ANKRD11: variants seen among roughly 807,000 people sequenced by gnomAD.
The protein encoded by ANKRD11 is ankyrin repeat domain-containing protein 11.
ANKRD11 carries 17 observed loss-of-function variants against 195.7 expected under a neutral mutation model. The ratio of observed to expected loss-of-function variants is 0.09; its 90% confidence interval spans 0.06 to 0.13. ANKRD11 has a LOEUF of 0.13. ANKRD11 is among the 10% of genes least tolerant of loss of function. ANKRD11 has a pLI of 1.00. For synonymous variants in ANKRD11, 1,953 were observed against 1,528.1 expected, an observed-to-expected ratio of 1.28 and a Z score of -6.49; for missense variants, 3,735 against 3,566.1, an observed-to-expected ratio of 1.05 and a Z score of -1.21.
chr16:89,429,187 C>T (rs536550458), intron 1 of ANKRD11, among the ~76,000 whole-genome samples: 437 of 120,168 alleles, frequency 3.6e-3, no homozygotes, highest in African/African-American at 0.014. Context: ...TCAACTCTCA[C>T]GCTCAGACGT....
intron 4 of ANKRD11, among the ~76,000 whole-genome samples, chr16:89,304,597 C>T (rs892411702): frequency 5.3e-5 from 8 of 149,898 alleles, no homozygotes; most frequent in East Asian, 2.0e-4. Flanking sequence ...CATACACACA[C>T]GGGCACACAC....
At chr16:89,330,675 GC>G (rs1197423919) in intron 2 of ANKRD11, among the ~76,000 whole-genome samples, 35 of 25,846 alleles carry the variant, frequency 1.4e-3, no homozygotes, top group East Asian at 2.6e-3. Flanking sequence ...GGGGGGGGGG[GC>G]GGGGGCGGAG....
At chr16:89,456,665 A>G (rs1468009071) in intron 1 of ANKRD11, among the ~76,000 whole-genome samples, 1 of 152,198 alleles carries the variant, frequency 6.6e-6, no homozygotes, top group Non-Finnish European at 1.5e-5. Context: ...GTTCCAAGAC[A>G]TACAACATAG....
Position 89,281,073 on chromosome 16 carries a change from A to C in ANKRD11, c.5469T>G (p.Ser1823=). The C allele has an allele frequency of 6.2e-7, 1 of 1,607,714 alleles. No individual in the cohort carries two copies. The highest frequency in any genetic ancestry group is 8.5e-7 in the Non-Finnish European group (1 of 1,175,446). Residue 1823 remains serine (S), a synonymous_variant, in exon 9 of 13, where the codon TCT becomes TCG. Coordinates refer to ENST00000301030, the MANE Select transcript of ANKRD11 (RefSeq NM_013275.6). This position sits in a 1 kb window ranked among gnomAD's most constrained non-coding sequence, Gnocchi z 5.5. ...TGTCTTCCATCGAGGGTGGCATGGGAGAGTCGTAGCTGGAGGCAGCAGGAA... is the reference window on the plus strand; with the variant it reads ...TGTCTTCCATCGAGGGTGGCATGGGCGAGTCGTAGCTGGAGGCAGCAGGAA... ...QSVPAASSYD[S]PMPPSMEDRA...
chr16:89,482,725 G>A (rs955378879), intron 1 of ANKRD11, among the ~76,000 whole-genome samples: 7 of 152,186 alleles, frequency 4.6e-5, no homozygotes, highest in South Asian at 4.1e-4. Flanking sequence ...CCAGGAGGTC[G>A]ACGCTGCAGT....
At chr16:89,337,007 CAAAA>C (rs60248736) in intron 2 of ANKRD11, among the ~76,000 whole-genome samples, 139 of 47,734 alleles carry the variant, frequency 2.9e-3, no homozygotes, top group African/African-American at 0.011. Flanking sequence ...CTGGCTCTAC[CAAAA>C]AAAAAAAAAA....
chr16:89,295,355 A>C (rs543931665), intron 4 of ANKRD11, among the ~76,000 whole-genome samples: 108 of 151,764 alleles, frequency 7.1e-4, no homozygotes, highest in African/African-American at 2.3e-3. Context: ...CGCTGACCTG[A>C]GCCTGGGCGG....
intron 2 of ANKRD11, chr16:89,329,062 A>T (rs1355093933): frequency 6.5e-6 from 1 of 153,266 alleles, no homozygotes; most frequent in Non-Finnish European, 1.5e-5. Context: ...GCACGGGCGA[A>T]TCAGCGGAGG....
intron 2 of ANKRD11, among the ~76,000 whole-genome samples, chr16:89,387,884 C>T (rs28608022): frequency 0.58 from 87,111 of 149,784 alleles, 25,504 homozygotes; most frequent in Middle Eastern, 0.73. Context: ...GGGTGGTGGT[C>T]GGGTCTCCCC....
rs185560640 is a variant in ANKRD11 at position 89,368,462 on chromosome 16, C to T, written c.-60+49822G>A. On this transcript the variant is annotated intron_variant, in intron 2 of 12. Transcript: ENST00000301030. ...GGTCTCGAACTCCTGACCTCGTGAT[C>T]CACCTGCCTCGGCCTCCGAAGTGCT... Among the ~76,000 whole-genome samples the T allele has an allele frequency of 4.5e-3, 670 of 148,762 alleles. 7 individuals carry two copies. The highest frequency in any genetic ancestry group is 7.4e-3 in the Non-Finnish European group (496 of 67,456).
chr16:89,268,945 G>A (rs1248783316), intron 12 of ANKRD11, among the ~76,000 whole-genome samples: 2 of 152,242 alleles, frequency 1.3e-5, no homozygotes, highest in Non-Finnish European at 2.9e-5. Context: ...GGGTGGGCCT[G>A]GGACTCACCT....
At chr16:89,292,461 G>A (rs541365965) in intron 4 of ANKRD11, among the ~76,000 whole-genome samples, 5 of 152,298 alleles carry the variant, frequency 3.3e-5, no homozygotes, top group Admixed American at 6.5e-5. Flanking sequence ...CTAAGAGGAC[G>A]CTGCCCACCC....
chr16:89,296,484 T>G (rs1316089652), intron 4 of ANKRD11, among the ~76,000 whole-genome samples: 2 of 152,236 alleles, frequency 1.3e-5, no homozygotes, highest in African/African-American at 4.8e-5. Flanking sequence ...TTTCTTATGT[T>G]GTGTCTAATA....
In ANKRD11 at chr16:89,283,062, G is replaced by A; in HGVS notation, c.3480C>T (p.Ala1160=). ...QEKEEGREAY[A]SDRHRKSSDK... The stretch of plus-strand genomic sequence containing the variant: ...CAGAAGACTTCCTGTGTCTGTCGGA[G>A]GCATAGGCCTCCCGTCCTTCCTCCT... Residue 1160 remains alanine, a synonymous_variant, in exon 9 of 13, where the codon GCC becomes GCT. Coordinates refer to ENST00000301030, the MANE Select transcript of ANKRD11 (RefSeq NM_013275.6). This position sits in a 1 kb window ranked among gnomAD's most constrained non-coding sequence, Gnocchi z 4.3. 1 of 1,613,914 alleles carries A rather than the reference G, an allele frequency of 6.2e-7. No homozygotes were observed. The highest frequency in any genetic ancestry group is 1.1e-5 in the South Asian group (1 of 91,078).
chr16:89,365,515 C>T (rs1244021148), intron 2 of ANKRD11, among the ~76,000 whole-genome samples: 1 of 152,184 alleles, frequency 6.6e-6, no homozygotes, highest in Non-Finnish European at 1.5e-5. Context: ...GACACTCTGC[C>T]CAAGAAATGG....
At chr16:89,359,005 T>C (rs2039612587) in intron 2 of ANKRD11, among the ~76,000 whole-genome samples, 1 of 152,174 alleles carries the variant, frequency 6.6e-6, no homozygotes, top group African/African-American at 2.4e-5. Context: ...TTCTATTTTT[T>C]GTAAAGACAA....
chr16:89,485,859 C>G (rs573329511), intron 1 of ANKRD11, among the ~76,000 whole-genome samples: 5 of 152,274 alleles, frequency 3.3e-5, no homozygotes, highest in African/African-American at 1.2e-4. Flanking sequence ...TCCGGACAAA[C>G]GAGACACTTA....
At chr16:89,351,360 C>A (rs2039211127) in intron 2 of ANKRD11, among the ~76,000 whole-genome samples, 1 of 152,222 alleles carries the variant, frequency 6.6e-6, no homozygotes, top group Non-Finnish European at 1.5e-5. Context: ...CAGATCCCAA[C>A]AGGAGCAGGA....
At chr16:89,358,220 T>G (rs2039573872) in intron 2 of ANKRD11, among the ~76,000 whole-genome samples, 1 of 152,170 alleles carries the variant, frequency 6.6e-6, no homozygotes. Flanking sequence ...CACACCTCAC[T>G]CTGGCATCAG....
Sources: gnomAD v4.1 joint callset for allele counts (sites outside exome capture counted in the v4.1 genomes callset) on GRCh38, gnomAD v4.1.1 for gene constraint, Gnocchi (gnomAD v3.1) non-coding constraint, MANE v1.5 for transcripts, NCBI Gene and HGNC (gene_info 2026-07-23, HGNC 2026-07-21) for gene names.